The following KIF13A variants were observed in gnomAD, a reference collection of about 807,000 sequenced individuals.
The protein encoded by KIF13A is kinesin-like protein KIF13A.
Under a neutral mutation model 212.2 loss-of-function variants are expected in KIF13A, and 79 were observed. The observed-to-expected ratio is 0.37, with a 90% confidence interval of 0.31 to 0.45. The LOEUF (loss-of-function observed/expected upper bound fraction) is 0.45, where lower values mean the gene tolerates loss of function less well. Ranked by LOEUF, KIF13A falls within the 20% of genes least tolerant of loss-of-function variation. KIF13A has a pLI of 1.00. For missense variants in KIF13A, 1,901 were observed against 2,209.0 expected (o/e 0.86, Z 2.79); for synonymous variants, 789 against 808.6 (o/e 0.98, Z 0.41).
intron 12 of KIF13A, among the ~76,000 whole-genome samples, chr6:17,832,471 T>C (rs1765531629): frequency 6.6e-6 from 1 of 151,758 alleles, no homozygotes; most frequent in Admixed American, 6.6e-5. Flanking sequence ...TCCCTGACTC[T>C]ACCAAAAGAT....
Position 17,942,163 on chromosome 6 carries a change from G to C in KIF13A, c.147-43983C>G, listed in dbSNP as rs181192311. 3.3e-5 allele frequency among the ~76,000 whole-genome samples: 5 copies of C among 151,918 alleles called. No individual in the cohort carries two copies. In the East Asian group the frequency reaches 9.7e-4, roughly 29 times the overall value. Reference sequence around the variant, plus strand: ...AAAAAAACACAAAAATTAGCCAGGCGTGGTGGCATACACCTATAGTCCCAG... The same window carrying C: ...AAAAAAACACAAAAATTAGCCAGGCCTGGTGGCATACACCTATAGTCCCAG... On this transcript the variant is annotated intron_variant, in intron 2 of 38. Coordinates refer to ENST00000259711, the MANE Select transcript of KIF13A (RefSeq NM_022113.6).
rs1768097134 is a variant in KIF13A, at chr6:17,855,916, G to T, written c.313+114C>A. 2.7e-6 allele frequency: 2 copies of T among 729,876 alleles called. No homozygotes were observed. The highest frequency in any genetic ancestry group is 5.3e-5 in the East Asian group (2 of 38,094). 45.2% of individuals were successfully genotyped at this position (729,876 alleles called of 1,614,324 possible). A position where few individuals can be genotyped will look rare whatever the true frequency, so the allele number is the denominator to read the frequency against. ...TTATAAAGACGGGTCTTACTATGTT[G>T]CCCAGGCTGGTCTCAAACTCCTGGG... On this transcript the variant is annotated intron_variant, in intron 5 of 38. Transcript: ENST00000259711. This position sits in a 1 kb window ranked among gnomAD's most constrained non-coding sequence, Gnocchi z 4.1.
intron 3 of KIF13A, among the ~76,000 whole-genome samples, chr6:17,896,119 G>A (rs1389914679): frequency 2.0e-5 from 3 of 152,100 alleles, no homozygotes; most frequent in Admixed American, 2.0e-4. Context: ...TTGGCCCTCT[G>A]TATACATGGG....
At chr6:17,765,924 T>C (rs1758909945) in intron 38 of KIF13A, among the ~76,000 whole-genome samples, 1 of 152,228 alleles carries the variant, frequency 6.6e-6, no homozygotes, top group Non-Finnish European at 1.5e-5. Flanking sequence ...GCAGCCATTG[T>C]CCTAAGGACT....
At chr6:17,923,535 G>GA (rs1554116316) in intron 2 of KIF13A, among the ~76,000 whole-genome samples, 2 of 142,906 alleles carry the variant, frequency 1.4e-5, no homozygotes, top group Non-Finnish European at 1.5e-5. Context: ...CCTGGGTTTG[G>GA]TTTTTTTTTT....
chr6:17,898,215 G>T lies in KIF13A; in HGVS notation c.147-35C>A. On this transcript the variant is annotated intron_variant, in intron 2 of 38. Coordinates refer to ENST00000259711, the MANE Select transcript of KIF13A (RefSeq NM_022113.6). This position sits in a 1 kb window ranked among gnomAD's most constrained non-coding sequence, Gnocchi z 5.2. Reference sequence around the variant, plus strand: ...GGGAAAAAAAAAATTCAGCAGCAGGGATACAGAGGGTTGTCAACACAGCAG... The same window carrying T: ...GGGAAAAAAAAAATTCAGCAGCAGGTATACAGAGGGTTGTCAACACAGCAG... 6.2e-7 allele frequency: 1 copy of T among 1,609,492 alleles called. No individual in the cohort carries two copies. Among genetic ancestry groups the T allele is most frequent in the East Asian group, 2.2e-5 (1 of 44,802 alleles).
chr6:17,803,253 A>T (rs999741409), intron 20 of KIF13A, among the ~76,000 whole-genome samples: 1 of 151,590 alleles, frequency 6.6e-6, no homozygotes, highest in African/African-American at 2.4e-5. Flanking sequence ...TCAATTTTTA[A>T]ATTTCTTTTT....
Position 17,963,837 on chromosome 6 carries a change from G to A in KIF13A, c.146+23217C>T, listed in dbSNP as rs1014711876. On this transcript the variant is annotated intron_variant, in intron 2 of 38. Transcript: ENST00000259711. The surrounding 1 kb of genome is among the most constrained non-coding windows in gnomAD (Gnocchi z 4.1). ...CCCAAAGTGTTGGGATTACGGGCGT[G>A]AGCCACCATGCCTGGCCAATATGTT... 5.3e-5 allele frequency among the ~76,000 whole-genome samples: 8 copies of A among 152,336 alleles called. No individual in the cohort carries two copies. The South Asian group carries it at 1.4e-3, about 28-fold the overall frequency.
chr6:17,946,168 C>T (rs1453201421), intron 2 of KIF13A, among the ~76,000 whole-genome samples: 1 of 152,080 alleles, frequency 6.6e-6, no homozygotes, highest in African/African-American at 2.4e-5. Flanking sequence ...GTTGCCAAGG[C>T]TGATCTTGAA....
intron 17 of KIF13A, among the ~76,000 whole-genome samples, chr6:17,815,255 GAA>G (rs2150352614): frequency 6.6e-6 from 1 of 152,342 alleles, no homozygotes; most frequent in South Asian, 2.1e-4. Flanking sequence ...GGTGGAACAT[GAA>G]AGCAGACCAG....
chr6:17,956,243 C>T (rs1561802683), intron 2 of KIF13A, among the ~76,000 whole-genome samples: 1 of 152,166 alleles, frequency 6.6e-6, no homozygotes, highest in Non-Finnish European at 1.5e-5. Flanking sequence ...AGTGAAAAGG[C>T]TAGGATTTAC....
At chr6:17,831,961 G>A (rs78109072) in intron 12 of KIF13A, among the ~76,000 whole-genome samples, 4,038 of 152,112 alleles carry the variant, frequency 0.027, 76 homozygotes, top group Non-Finnish European at 0.04. Flanking sequence ...GAGGAGACAG[G>A]CCATAAGAAA....
chr6:17,850,187 A>G lies in KIF13A; in HGVS notation c.717+136T>C. The G allele has an allele frequency of 1.2e-6, 1 of 840,530 alleles. No homozygotes were observed. The highest frequency in any genetic ancestry group is 1.7e-6 in the Non-Finnish European group (1 of 579,108). 52.1% of individuals were successfully genotyped at this position (840,530 alleles called of 1,614,324 possible). A position where few individuals can be genotyped will look rare whatever the true frequency, so the allele number is the denominator to read the frequency against. ...AGACCTAACAAATTAAATGATAAGC[A>G]AAGTAGCTCACCTAGTAAGCAGAAG... On this transcript the variant is annotated intron_variant, in intron 8 of 38. Transcript: ENST00000259711. The surrounding 1 kb of genome is among the most constrained non-coding windows in gnomAD (Gnocchi z 6.2).
rs768979588 is a variant in KIF13A at position 17,777,325 on chromosome 6, G to A, written c.4122C>T (p.Thr1374=). The A allele has an allele frequency of 3.7e-6, 6 of 1,613,298 alleles. No homozygotes were observed. The highest frequency in any genetic ancestry group is 5.1e-6 in the Non-Finnish European group (6 of 1,179,624). The change falls in exon 34 of 39, where the codon ACC becomes ACT. Residue 1374 remains threonine (T), a synonymous_variant. Transcript: ENST00000259711. This position sits in a 1 kb window ranked among gnomAD's most constrained non-coding sequence, Gnocchi z 4.4. ...GGCTCCTCCGAATGTGCCGGGCTTT[G>A]GTGGAAAGTGCTTCTTTGACTGTGA... ...QAVTVKEALS[T]KARHIRRSLS...
Position 17,934,613 on chromosome 6 carries a change from C to A in KIF13A, c.147-36433G>T, listed in dbSNP as rs868140914. ...GACCAGCCTGGGCAACATAGGGAAA[C>A]CCTGTCTCTACAAAAATATTAAAAA... On this transcript the variant is annotated intron_variant, in intron 2 of 38. Coordinates refer to ENST00000259711, the MANE Select transcript of KIF13A (RefSeq NM_022113.6). The surrounding 1 kb of genome is among the most constrained non-coding windows in gnomAD (Gnocchi z 5.4). Among the ~76,000 whole-genome samples the A allele has an allele frequency of 1.3e-5, 2 of 152,098 alleles. No individual in the cohort carries two copies. Among genetic ancestry groups the A allele is most frequent in the East Asian group, 1.9e-4 (1 of 5,160 alleles).
Position 17,794,408 on chromosome 6 carries a change from GGGA to G in KIF13A, c.3076-16_3076-14del. The G allele has an allele frequency of 6.2e-7, 1 of 1,606,304 alleles. No homozygotes were observed. Among genetic ancestry groups the G allele is most frequent in the Non-Finnish European group, 8.5e-7 (1 of 1,174,114 alleles). On this transcript the variant is annotated splice_polypyrimidine_tract_variant and intron_variant, in intron 24 of 38. Transcript: ENST00000259711. The surrounding 1 kb of genome is among the most constrained non-coding windows in gnomAD (Gnocchi z 4.1). ...TACGGGAATGACCCTGAAGAGGGTG[GGGA>G]GGAGTATGGGTGCCAGGAATGATAA...
intron 3 of KIF13A, among the ~76,000 whole-genome samples, chr6:17,890,695 T>C (rs1314183416): frequency 6.6e-6 from 1 of 150,748 alleles, no homozygotes; most frequent in African/African-American, 2.4e-5. Flanking sequence ...GGCACAATCA[T>C]ACCTCAGTGA....
At chr6:17,945,361 T>C (rs756543266) in intron 2 of KIF13A, among the ~76,000 whole-genome samples, 41 of 152,138 alleles carry the variant, frequency 2.7e-4, no homozygotes, top group Non-Finnish European at 5.6e-4. Context: ...TTGGGGATGT[T>C]AGTAACAGGA....
At chr6:17,959,109 G>A (rs915291437) in intron 2 of KIF13A, among the ~76,000 whole-genome samples, 2 of 151,688 alleles carry the variant, frequency 1.3e-5, no homozygotes, top group Non-Finnish European at 2.9e-5. Context: ...CCCAGGCTGT[G>A]TCATTTATCT....
Sources: allele counts gnomAD v4.1 joint callset (sites outside exome capture counted in the v4.1 genomes callset), GRCh38; gene constraint gnomAD v4.1.1; non-coding constraint Gnocchi (gnomAD v3.1); transcripts MANE v1.5; gene names NCBI Gene and HGNC (gene_info 2026-07-23, HGNC 2026-07-21).